Variants in NLGN1 observed in about 807,000 individuals in gnomAD.
NLGN1 encodes neuroligin-1.
In NLGN1, 12 loss-of-function variants were observed where a neutral mutation model predicts 65.5. The ratio of observed to expected loss-of-function variants is 0.18; its 90% CI spans 0.12 to 0.30. The LOEUF (loss-of-function observed/expected upper bound fraction) is 0.30, where lower values mean the gene tolerates loss of function less well. Ranked by LOEUF, NLGN1 falls within the 10% of genes least tolerant of loss-of-function variation. The pLI, the probability that NLGN1 is intolerant of heterozygous loss-of-function variation, is 1.00. For missense variants in NLGN1, 750 were observed against 1,007.1 expected (o/e 0.74, Z 3.46); for synonymous variants, 350 against 359.5 (o/e 0.97, Z 0.30).
intron 2 of NLGN1, among the ~76,000 whole-genome samples, chr3:173,578,870 A>AAT: frequency 6.6e-6 from 1 of 152,354 alleles, no homozygotes; most frequent in South Asian, 2.1e-4. Context: ...TCTGCAAAAT[A>AAT]ATGCATCATG....
In NLGN1 at chr3:173,559,291, T is replaced by C. The variant is rs182021726; in HGVS notation, c.-320-44988T>C. Among the ~76,000 whole-genome samples the C allele has an allele frequency of 2.0e-3, 305 of 152,336 alleles. 1 individual carries two copies. Among genetic ancestry groups the C allele is most frequent in the Middle Eastern group, 0.017 (5 of 294 alleles). On this transcript the variant is annotated intron_variant, in intron 2 of 6. Transcript: ENST00000457714. ...ACATTTGTTTTAGCATATGAGTCTC[T>C]TTCTGATCTACATACAGTCTACCTA... is the stretch of plus-strand genomic sequence containing the variant.
intron 4 of NLGN1, among the ~76,000 whole-genome samples, chr3:173,847,533 A>G (rs1179024621): frequency 1.3e-5 from 2 of 152,222 alleles, no homozygotes; most frequent in East Asian, 3.8e-4. Context: ...AAGTTTTTAA[A>G]AAGCTGTATT....
chr3:173,539,657 G>GTATATATGTACATATGTAACATATA (rs1362050556), intron 2 of NLGN1, among the ~76,000 whole-genome samples: 15 of 124,270 alleles, frequency 1.2e-4, no homozygotes, highest in African/African-American at 4.9e-4. Flanking sequence ...TATAACATAT[G>GTATATATGTACATATGTAACATATA]TGTATATATG....
chr3:173,420,308 T>C lies in NLGN1; in HGVS notation c.-389-14702T>C, dbSNP rs1189551347. 2.7e-5 allele frequency among the ~76,000 whole-genome samples: 4 copies of C among 149,768 alleles called. No homozygotes were observed. In the East Asian group the frequency reaches 7.8e-4, roughly 29 times the overall value. On this transcript the variant is annotated intron_variant, in intron 1 of 6. Transcript: ENST00000457714. ...GTTCTCATTGTTCAATTCCCGCCTA[T>C]GAGTGAGAACATGCGGTGTTTGGTT...
intron 3 of NLGN1, among the ~76,000 whole-genome samples, chr3:173,737,436 C>T (rs376725671): frequency 6.6e-6 from 1 of 152,106 alleles, no homozygotes; most frequent in East Asian, 1.9e-4. Flanking sequence ...TCCTCTCAAC[C>T]CCTCACCTCT....
chr3:173,657,218 G>A (rs1760183875), intron 3 of NLGN1, among the ~76,000 whole-genome samples: 1 of 151,920 alleles, frequency 6.6e-6, no homozygotes, highest in African/African-American at 2.4e-5. Context: ...AGGGAATCTG[G>A]AGATCCTCTG....
intron 4 of NLGN1, among the ~76,000 whole-genome samples, chr3:174,085,095 T>A (rs928546497): frequency 1.3e-4 from 20 of 151,978 alleles, no homozygotes; most frequent in Non-Finnish European, 5.9e-5. Flanking sequence ...ATTATAAAAA[T>A]GTAAACATTA....
intron 3 of NLGN1, among the ~76,000 whole-genome samples, chr3:173,764,657 TAA>T (rs1247292072): frequency 6.6e-6 from 1 of 152,166 alleles, no homozygotes; most frequent in Non-Finnish European, 1.5e-5. Flanking sequence ...ATAATCTGCA[TAA>T]CTACCTGGTA....
At chr3:173,928,404 A>G (rs532730559) in intron 4 of NLGN1, among the ~76,000 whole-genome samples, 5 of 152,188 alleles carry the variant, frequency 3.3e-5, no homozygotes, top group Admixed American at 1.3e-4. Flanking sequence ...TAAGTATCTT[A>G]TCTCTTAAAC....
chr3:173,773,503 A>G (rs1779875773), intron 3 of NLGN1, among the ~76,000 whole-genome samples: 1 of 152,174 alleles, frequency 6.6e-6, no homozygotes, highest in Non-Finnish European at 1.5e-5. Context: ...GTTTTAAAAA[A>G]GTATAGTGCC....
At chr3:173,960,996 T>C (rs9290485) in intron 4 of NLGN1, among the ~76,000 whole-genome samples, 38,745 of 151,912 alleles carry the variant, frequency 0.26, 5,257 homozygotes, top group East Asian at 0.34. Context: ...AACATATCTT[T>C]ATCTGTCTTT....
chr3:173,540,485 C>T (rs1738670141), intron 2 of NLGN1, among the ~76,000 whole-genome samples: 1 of 152,154 alleles, frequency 6.6e-6, no homozygotes, highest in African/African-American at 2.4e-5. Context: ...GATGCAACAA[C>T]TTAGCCTTCA....
intron 4 of NLGN1, among the ~76,000 whole-genome samples, chr3:174,137,458 G>A (rs1721423130): frequency 6.6e-6 from 1 of 152,018 alleles, no homozygotes; most frequent in Non-Finnish European, 1.5e-5. Flanking sequence ...TATGACCTTG[G>A]AAAACTAATG....
At chr3:174,132,830 G>A (rs1379579225) in intron 4 of NLGN1, among the ~76,000 whole-genome samples, 3 of 152,260 alleles carry the variant, frequency 2.0e-5, no homozygotes, top group Non-Finnish European at 4.4e-5. Context: ...AAGGGCATCC[G>A]AATTAAAAGA....
At chr3:173,743,571 T>A (rs1774953730) in intron 3 of NLGN1, among the ~76,000 whole-genome samples, 1 of 152,176 alleles carries the variant, frequency 6.6e-6, no homozygotes, top group Non-Finnish European at 1.5e-5. Context: ...GGACATTTTC[T>A]TTTTAGAATT....
chr3:173,486,528 G>C (rs968836613), intron 2 of NLGN1, among the ~76,000 whole-genome samples: 1 of 152,128 alleles, frequency 6.6e-6, no homozygotes, highest in Middle Eastern at 3.2e-3. Flanking sequence ...AAGCTTGCTG[G>C]TTGTCCTTCT....
intron 4 of NLGN1, among the ~76,000 whole-genome samples, chr3:174,034,319 T>TAA (rs35334497): frequency 4.0e-5 from 6 of 151,540 alleles, no homozygotes; most frequent in African/African-American, 4.8e-5. Context: ...TAAGAAATGT[T>TAA]AAAAAAAAAT....
chr3:174,174,188 G>GTA (rs1372331743), intron 4 of NLGN1, among the ~76,000 whole-genome samples: 1 of 151,880 alleles, frequency 6.6e-6, no homozygotes, highest in African/African-American at 2.4e-5. Context: ...GTAATCCATT[G>GTA]TATATATATA....
intron 4 of NLGN1, among the ~76,000 whole-genome samples, chr3:174,039,321 A>C (rs1178628415): frequency 6.6e-6 from 1 of 152,100 alleles, no homozygotes; most frequent in Non-Finnish European, 1.5e-5. Context: ...CTTGTTACAT[A>C]GGTATACATG....
Sources: gnomAD v4.1 joint callset for allele counts (sites outside exome capture counted in the v4.1 genomes callset) on GRCh38, gnomAD v4.1.1 for gene constraint, MANE v1.5 for transcripts, NCBI Gene and HGNC (gene_info 2026-07-23, HGNC 2026-07-21) for gene names.